NSRP1: variants seen among roughly 807,000 people sequenced by gnomAD.
The protein encoded by NSRP1 is coiled-coil domain containing 55.
In NSRP1, 24 loss-of-function variants were observed where a neutral mutation model predicts 54.7. The observed-to-expected ratio is 0.44, with a 90% confidence interval of 0.32 to 0.62. The LOEUF is 0.62. NSRP1 is among the 20% of genes least tolerant of loss of function. NSRP1 has a pLI of 0.06. For synonymous variants in NSRP1, 210 were observed against 213.8 expected (o/e 0.98, Z 0.15); for missense variants, 596 against 651.2 (o/e 0.92, Z 0.92).
At chr17:30,179,010 TAATG>T (rs1431981945) in intron 4 of NSRP1, 76 bp from the exon 5 acceptor site, 10 of 838,936 alleles carry the variant, frequency 1.2e-5, no homozygotes, top group African/African-American at 6.9e-5. Flanking sequence ...ATTTCTATCT[TAATG>T]AATTCATTAT....
At chr17:30,155,536 C>G (rs1432940248) in intron 2 of NSRP1, among the ~76,000 whole-genome samples, 8 of 151,978 alleles carry the variant, frequency 5.3e-5, no homozygotes, top group Admixed American at 4.6e-4. Flanking sequence ...TATCACTATA[C>G]CTTTTTTTGC....
chr17:30,122,387 T>TATATATA (rs56155916), intron 2 of NSRP1: 6 of 8,850 alleles, frequency 6.8e-4, no homozygotes, highest in East Asian at 5.7e-3. Context: ...ATATATATAT[T>TATATATA]TTTTTTTTTT....
intron 2 of NSRP1, among the ~76,000 whole-genome samples, chr17:30,123,539 G>A (rs546720270): frequency 6.6e-6 from 1 of 152,238 alleles, no homozygotes; most frequent in African/African-American, 2.4e-5. Flanking sequence ...CACTTTTCTT[G>A]AAAATATCCT....
intron 2 of NSRP1, among the ~76,000 whole-genome samples, chr17:30,158,846 A>G (rs567924815): frequency 7.2e-5 from 11 of 152,252 alleles, no homozygotes; most frequent in Admixed American, 3.9e-4. Context: ...TACTAATACT[A>G]TGCTAGTTTG....
At chr17:30,142,847 G>A (rs1301484211) in intron 2 of NSRP1, among the ~76,000 whole-genome samples, 1 of 152,072 alleles carries the variant, frequency 6.6e-6, no homozygotes, top group African/African-American at 2.4e-5. Context: ...TGCAAATTTG[G>A]GTTTGTGGCC....
intron 5 of NSRP1, among the ~76,000 whole-genome samples, chr17:30,180,161 G>T (rs536422386): frequency 1.3e-5 from 2 of 149,688 alleles, no homozygotes; most frequent in Admixed American, 6.6e-5. Context: ...ATTGACAAAT[G>T]CTCATCAGCT....
rs758949934 is a variant in NSRP1, at chr17:30,178,053, G to T, written c.172-18G>T. 63 of 1,610,994 alleles carry T rather than the reference G, an allele frequency of 3.9e-5. No homozygotes were observed. Among genetic ancestry groups the T allele is most frequent in the Non-Finnish European group, 5.3e-5 (63 of 1,178,988 alleles). ...TGGCTGGCTCATATTTTTGAAACAT[G>T]TTTAATTTTTTTTTAAGACCAAACT... On this transcript the variant is annotated intron_variant, in intron 3 of 6. Coordinates refer to ENST00000247026, the MANE Select transcript of NSRP1 (RefSeq NM_032141.4).
At chr17:30,168,308 C>CTGT (rs750786597) in intron 2 of NSRP1, 1 of 152,036 alleles carries the variant, frequency 6.6e-6, no homozygotes, top group African/African-American at 2.4e-5. Flanking sequence ...ATTGTAACTA[C>CTGT]TGTTGTTGTT....
chr17:30,123,980 A>G (rs760519506), intron 2 of NSRP1, among the ~76,000 whole-genome samples: 118 of 152,304 alleles, frequency 7.7e-4, no homozygotes, highest in Non-Finnish European at 1.4e-3. Flanking sequence ...ACTGTGTAAC[A>G]CAAAGCATCA....
chr17:30,138,921 T>TTG (rs1354088376), intron 2 of NSRP1, among the ~76,000 whole-genome samples: 4 of 133,752 alleles, frequency 3.0e-5, no homozygotes, highest in Non-Finnish European at 4.9e-5. Context: ...TTTTTTTTTT[T>TTG]TTTTTTTTTT....
At chr17:30,160,791 G>A (rs911438067) in intron 2 of NSRP1, among the ~76,000 whole-genome samples, 8 of 152,172 alleles carry the variant, frequency 5.3e-5, no homozygotes, top group Admixed American at 6.5e-5. Flanking sequence ...GTAGTAAGTA[G>A]AAGGCTGCAT....
chr17:30,179,075 T>G lies in NSRP1; in HGVS notation c.301-15T>G, dbSNP rs1333263409. ...ATTTTTTTACTCTTTTCCTAAATCT[T>G]TTTTATTTCCTTAGCCCAAGTATAT... is the stretch of plus-strand genomic sequence containing the variant. On this transcript the variant is annotated splice_polypyrimidine_tract_variant and intron_variant, in intron 4 of 6. Coordinates refer to ENST00000247026, the MANE Select transcript of NSRP1 (RefSeq NM_032141.4). 52 of 1,434,616 alleles carry G rather than the reference T, an allele frequency of 3.6e-5. No individual in the cohort carries two copies. The highest frequency in any genetic ancestry group is 4.3e-5 in the Non-Finnish European group (47 of 1,082,440). The allele number at this position is 1,434,616 out of a possible 1,614,324, so 88.9% of individuals were successfully genotyped here. A position where few individuals can be genotyped will look rare whatever the true frequency, so the allele number is the denominator to read the frequency against.
chr17:30,165,886 A>G (rs73987727), intron 2 of NSRP1, among the ~76,000 whole-genome samples: 4,199 of 152,304 alleles, frequency 0.028, 170 homozygotes, highest in African/African-American at 0.096. Context: ...ATGGAAATAT[A>G]TTAATGTCAC....
chr17:30,173,258 G>A (rs767407561), intron 3 of NSRP1, among the ~76,000 whole-genome samples: 7 of 152,224 alleles, frequency 4.6e-5, no homozygotes, highest in South Asian at 4.1e-4. Context: ...GCCACCGTGC[G>A]CGGCCTGATA....
At chr17:30,120,767 A>G (rs1365751294) in intron 2 of NSRP1, among the ~76,000 whole-genome samples, 4 of 152,212 alleles carry the variant, frequency 2.6e-5, no homozygotes, top group Non-Finnish European at 5.9e-5. Context: ...AATTTGTTCA[A>G]GGCCATGTGG....
At chr17:30,163,831 C>T (rs1023403643) in intron 2 of NSRP1, among the ~76,000 whole-genome samples, 4 of 151,756 alleles carry the variant, frequency 2.6e-5, no homozygotes, top group Non-Finnish European at 5.9e-5. Context: ...TACAGGCGCG[C>T]GCCACCATGC....
At chr17:30,144,191 GTTTTTGT>G (rs1293349559) in intron 2 of NSRP1, 1 of 150,994 alleles carries the variant, frequency 6.6e-6, no homozygotes, top group Non-Finnish European at 1.5e-5. Context: ...TTTTGCTGTG[GTTTTTGT>G]TTTTTGTTTT....
chr17:30,155,376 A>G (rs2071952077), intron 2 of NSRP1, among the ~76,000 whole-genome samples: 2 of 151,716 alleles, frequency 1.3e-5, no homozygotes, highest in South Asian at 2.1e-4. Flanking sequence ...TGTGTGTTTT[A>G]TTTATCCTCT....
intron 2 of NSRP1, among the ~76,000 whole-genome samples, chr17:30,169,817 G>A (rs1381004617): frequency 2.0e-5 from 3 of 151,220 alleles, no homozygotes; most frequent in Admixed American, 2.0e-4. Flanking sequence ...TGTGGTCATA[G>A]AGAACTATTT....
Sources: allele counts gnomAD v4.1 joint callset (sites outside exome capture counted in the v4.1 genomes callset), GRCh38; gene constraint gnomAD v4.1.1; transcripts MANE v1.5; gene names NCBI Gene and HGNC (gene_info 2026-07-23, HGNC 2026-07-21).